The following EDA variants were observed in gnomAD, a reference collection of about 807,000 sequenced individuals.
EDA encodes the protein ectodysplasin-A.
EDA carries 2 observed loss-of-function variants against 23.6 expected under a neutral mutation model. The ratio of observed to expected loss-of-function variants is 0.08; its 90% CI spans 0.03 to 0.27. EDA has a LOEUF of 0.27. EDA is among the 10% of genes least tolerant of loss of function. The pLI, the probability that EDA is intolerant of heterozygous loss-of-function variation, is 1.00. For missense variants in EDA, 229 were observed against 324.2 expected (o/e 0.71, Z 2.26); for synonymous variants, 131 against 132.0 (o/e 0.99, Z 0.05).
chrX:69,799,184 A>G (rs111792334), intron 1 of EDA, among the ~76,000 whole-genome samples: 1,957 of 111,638 alleles, frequency 0.018, 46 homozygotes, highest in African/African-American at 0.061. Context: ...ATACACAAAA[A>G]TCAAAATGGA....
chrX:70,026,054 A>G (rs967258027), intron 3 of EDA, among the ~76,000 whole-genome samples: 1 of 112,219 alleles, frequency 8.9e-6, no homozygotes, highest in African/African-American at 3.2e-5. Flanking sequence ...TCTCCTGCCT[A>G]AGTGTCTGGG....
intron 1 of EDA, among the ~76,000 whole-genome samples, chrX:69,882,973 G>A (rs771302673): frequency 3.6e-5 from 4 of 112,391 alleles, no homozygotes; most frequent in Non-Finnish European, 7.5e-5. Context: ...CTCCCAAAGT[G>A]CTGGGATTAC....
At chrX:69,757,375 T>C (rs754285525) in intron 1 of EDA, among the ~76,000 whole-genome samples, 1 of 112,124 alleles carries the variant, frequency 8.9e-6, no homozygotes, top group Admixed American at 9.4e-5. Flanking sequence ...TTAACATTTG[T>C]TTAGCCAACT....
chrX:69,880,597 G>A (rs772533028), intron 1 of EDA, among the ~76,000 whole-genome samples: 3 of 111,494 alleles, frequency 2.7e-5, no homozygotes, highest in African/African-American at 9.8e-5. Context: ...TGGCATCATC[G>A]GGTCAGAAAA....
intron 1 of EDA, among the ~76,000 whole-genome samples, chrX:69,748,631 GA>G (rs1408806357): frequency 1.8e-5 from 2 of 111,797 alleles, no homozygotes; most frequent in Admixed American, 9.5e-5. Flanking sequence ...CCTTTAGGAA[GA>G]TGGCATAGCA....
At chrX:69,958,766 C>G (rs1261075364) in intron 2 of EDA, among the ~76,000 whole-genome samples, 1 of 111,587 alleles carries the variant, frequency 9.0e-6, no homozygotes, top group African/African-American at 3.3e-5. Flanking sequence ...AAGCAGGGAG[C>G]TAAGAAGCAT....
intron 1 of EDA, among the ~76,000 whole-genome samples, chrX:69,779,549 C>T (rs1326910971): frequency 9.0e-6 from 1 of 110,885 alleles, no homozygotes; most frequent in Admixed American, 9.6e-5. Flanking sequence ...ATGACTGCTT[C>T]GTGGGTATGG....
chrX:69,710,804 G>T (rs1327393476), intron 1 of EDA, among the ~76,000 whole-genome samples: 1 of 109,543 alleles, frequency 9.1e-6, no homozygotes, highest in Non-Finnish European at 1.9e-5. Flanking sequence ...GTCTGTTATT[G>T]GTGTATAAGA....
At chrX:69,808,253 C>G (rs1434781237) in intron 1 of EDA, among the ~76,000 whole-genome samples, 1 of 110,693 alleles carries the variant, frequency 9.0e-6, no homozygotes, top group African/African-American at 3.3e-5. Flanking sequence ...TCATCTATTA[C>G]TGGGAAAGGA....
chrX:69,781,680 C>G (rs1189483213), intron 1 of EDA, among the ~76,000 whole-genome samples: 2 of 110,914 alleles, frequency 1.8e-5, no homozygotes, highest in Admixed American at 1.9e-4. Context: ...TTTCGTATGA[C>G]TTTCCGAAGT....
chrX:69,851,186 C>T (rs1445887231), intron 1 of EDA, among the ~76,000 whole-genome samples: 2 of 76,906 alleles, frequency 2.6e-5, no homozygotes, highest in Non-Finnish European at 6.6e-5. Context: ...TGTGTGTGCA[C>T]GTGTGTGTAT....
chrX:69,899,087 A>G (rs890656291), intron 1 of EDA, among the ~76,000 whole-genome samples: 21 of 112,244 alleles, frequency 1.9e-4, no homozygotes, highest in Non-Finnish European at 9.4e-5. Flanking sequence ...GTTGAGCTCC[A>G]CTGGATGGTT....
chrX:69,855,708 C>T (rs1029862962), intron 1 of EDA, among the ~76,000 whole-genome samples: 28 of 111,299 alleles, frequency 2.5e-4, no homozygotes, highest in Non-Finnish European at 4.9e-4. Flanking sequence ...TGCTATTTTG[C>T]TTGCTGTAGC....
intron 1 of EDA, among the ~76,000 whole-genome samples, chrX:69,771,320 A>G (rs754882037): frequency 9.0e-6 from 1 of 111,151 alleles, no homozygotes; most frequent in South Asian, 3.9e-4. Flanking sequence ...GGCCTCCCAA[A>G]GTGCTGGGAT....
At chrX:69,866,783 A>G (rs2017492594) in intron 1 of EDA, among the ~76,000 whole-genome samples, 1 of 112,041 alleles carries the variant, frequency 8.9e-6, no homozygotes, top group South Asian at 3.8e-4. Context: ...GATGGGAAAC[A>G]TGGTAAGACC....
rs1602568543 is a variant in EDA, at chrX:69,961,702, T to C, written c.502+4570T>C. On this transcript the variant is annotated intron_variant, in intron 2 of 7. Transcript: ENST00000374552. The stretch of plus-strand genomic sequence containing the variant: ...CTTAGAAAAGAAGTGAATTTCGTTT[T>C]CTTTACTACATTTCTTCCTTGAATT... 2.7e-5 allele frequency among the ~76,000 whole-genome samples: 3 copies of C among 112,708 alleles called. No homozygotes were observed. The Admixed American group carries it at 2.8e-4, about 11-fold the overall frequency.
intron 1 of EDA, among the ~76,000 whole-genome samples, chrX:69,759,650 G>A (rs1405700814): frequency 9.0e-6 from 1 of 111,365 alleles, no homozygotes; most frequent in Non-Finnish European, 1.9e-5. Flanking sequence ...GATACAAGCT[G>A]GTGCGGTACA....
chrX:69,831,288 T>C (rs991606004), intron 1 of EDA, among the ~76,000 whole-genome samples: 36 of 111,913 alleles, frequency 3.2e-4, no homozygotes, highest in Non-Finnish European at 3.8e-4. Flanking sequence ...TCCCCACCTA[T>C]GAGTGAGAAG....
intron 1 of EDA, among the ~76,000 whole-genome samples, chrX:69,713,791 C>G (rs140321788): frequency 0.016 from 1,754 of 111,548 alleles, 31 homozygotes; most frequent in African/African-American, 0.055. Flanking sequence ...AAGGCTTATT[C>G]CAGTTTTTGG....
Sources: allele counts gnomAD v4.1 joint callset (sites outside exome capture counted in the v4.1 genomes callset), GRCh38; gene constraint gnomAD v4.1.1; transcripts MANE v1.5; gene names NCBI Gene and HGNC (gene_info 2026-07-23, HGNC 2026-07-21).